Variants in JAM3 observed in about 807,000 individuals in gnomAD.
JAM3 encodes the protein junctional adhesion molecule C.
In JAM3, 31 loss-of-function variants were observed where a neutral mutation model predicts 39.4. The observed-to-expected ratio is 0.79, with a 90% CI of 0.59 to 1.06. JAM3 has a LOEUF of 1.06. JAM3 is among the 50% of genes least tolerant of loss of function. The pLI is 0.00. For synonymous variants in JAM3, 182 were observed against 148.7 expected, an observed-to-expected ratio of 1.22 and a Z score of -1.63; for missense variants, 455 against 391.4, an observed-to-expected ratio of 1.16 and a Z score of -1.37.
At chr11:134,106,719 A>G (rs1942197199) in intron 1 of JAM3, among the ~76,000 whole-genome samples, 1 of 152,268 alleles carries the variant, frequency 6.6e-6, no homozygotes, top group African/African-American at 2.4e-5. Context: ...CAGCCAAAAG[A>G]CACATGAAGA....
intron 1 of JAM3, among the ~76,000 whole-genome samples, chr11:134,112,896 G>A (rs1050208689): frequency 4.6e-5 from 7 of 152,166 alleles, no homozygotes; most frequent in African/African-American, 7.2e-5. Context: ...CTCATTTGAG[G>A]TCTGAAGCCA....
At position 134,096,124 on chromosome 11, in the gene JAM3, G is replaced by A. The variant is rs141849752; in HGVS notation, c.76+26965G>A. Reference sequence around the variant, plus strand: ...CCCAAGTAGCTGGGATGACAGGTGCGCGCCACTACACCTGCCTGAGTTTTG... The same window carrying A: ...CCCAAGTAGCTGGGATGACAGGTGCACGCCACTACACCTGCCTGAGTTTTG... On this transcript the variant is annotated intron_variant, in intron 1 of 8. Transcript: ENST00000299106. Among the ~76,000 whole-genome samples the A allele has an allele frequency of 6.6e-5, 10 of 152,156 alleles. No individual in the cohort carries two copies. In the East Asian group the frequency reaches 1.4e-3, roughly 21 times the overall value.
chr11:134,122,955 C>G (rs1048661171), intron 1 of JAM3, among the ~76,000 whole-genome samples: 2 of 152,192 alleles, frequency 1.3e-5, no homozygotes, highest in African/African-American at 4.8e-5. Context: ...AGACAAGTTT[C>G]TGGGATATCC....
chr11:134,087,873 T>G (rs1229457255), intron 1 of JAM3, among the ~76,000 whole-genome samples: 1 of 152,204 alleles, frequency 6.6e-6, no homozygotes, highest in Non-Finnish European at 1.5e-5. Context: ...CTGTTGATAT[T>G]TGGAGTGGAT....
At chr11:134,125,302 A>C (rs555716204) in intron 1 of JAM3, among the ~76,000 whole-genome samples, 2 of 152,204 alleles carry the variant, frequency 1.3e-5, no homozygotes, top group Non-Finnish European at 2.9e-5. Flanking sequence ...CCAGCTGCAC[A>C]TCATGTCAGA....
At chr11:134,124,707 AT>A (rs1179170962) in intron 1 of JAM3, among the ~76,000 whole-genome samples, 1 of 152,136 alleles carries the variant, frequency 6.6e-6, no homozygotes. Flanking sequence ...TAAAAGAAAT[AT>A]GCTTGCAATT....
At chr11:134,093,955 T>C (rs1941926467) in intron 1 of JAM3, among the ~76,000 whole-genome samples, 1 of 124,760 alleles carries the variant, frequency 8.0e-6, no homozygotes, top group South Asian at 2.9e-4. Context: ...TTATTCATCA[T>C]GTTCCACCTT....
intron 5 of JAM3, chr11:134,145,222 A>T (rs1468282807): frequency 1.5e-5 from 9 of 588,306 alleles, no homozygotes; most frequent in Middle Eastern, 9.0e-4. Context: ...TTGAGACCGA[A>T]GAGGGATATT....
chr11:134,096,578 G>A (rs963501976), intron 1 of JAM3, among the ~76,000 whole-genome samples: 2 of 152,072 alleles, frequency 1.3e-5, no homozygotes, highest in Non-Finnish European at 2.9e-5. Context: ...TGTTTACTAG[G>A]GACTCTAATC....
At chr11:134,145,453 T>C (rs1187823148) in intron 5 of JAM3, 1 of 318,592 alleles carries the variant, frequency 3.1e-6, no homozygotes, top group Non-Finnish European at 6.0e-6. Flanking sequence ...AATAACCCAG[T>C]GGTGGTGGTG....
At chr11:134,115,397 T>G (rs1006458050) in intron 1 of JAM3, among the ~76,000 whole-genome samples, 13 of 148,770 alleles carry the variant, frequency 8.7e-5, no homozygotes, top group Admixed American at 8.7e-4. Context: ...TTCTCTTGCA[T>G]TTGTTTTCCT....
intron 1 of JAM3, among the ~76,000 whole-genome samples, chr11:134,136,980 G>A (rs535557294): frequency 6.6e-6 from 1 of 152,240 alleles, no homozygotes; most frequent in South Asian, 2.1e-4. Context: ...AGGCGTGGTG[G>A]TGGGCGCCTG....
chr11:134,088,085 T>C (rs1941774078), intron 1 of JAM3, among the ~76,000 whole-genome samples: 1 of 152,180 alleles, frequency 6.6e-6, no homozygotes. Flanking sequence ...TGCCCAGGGA[T>C]GTTCAATGCC....
At chr11:134,124,225 T>A (rs1942594806) in intron 1 of JAM3, 1 of 1,347,600 alleles carries the variant, frequency 7.4e-7, no homozygotes, top group Non-Finnish European at 1.1e-6. Context: ...CCATACTTCT[T>A]AAGTTCCTCT....
At chr11:134,146,407 C>T (rs1268539639) in intron 6 of JAM3, among the ~76,000 whole-genome samples, 1 of 114,090 alleles carries the variant, frequency 8.8e-6, no homozygotes, top group East Asian at 2.4e-4. Context: ...TTGTAGAAAA[C>T]TGACAGTTTT....
intron 1 of JAM3, among the ~76,000 whole-genome samples, chr11:134,106,258 A>G (rs561066333): frequency 6.0e-4 from 92 of 152,248 alleles, no homozygotes; most frequent in African/African-American, 1.9e-3. Context: ...AGGATTCCCT[A>G]TTTAATAAAT....
At position 134,149,374 on chromosome 11, in the gene JAM3, A is replaced by G. The variant is rs1447286848; in HGVS notation, c.*193A>G. The G allele has an allele frequency of 1.1e-5, 7 of 665,032 alleles. No individual in the cohort carries two copies. The highest frequency in any genetic ancestry group is 4.7e-5 in the Admixed American group (2 of 42,828). 41.2% of individuals were successfully genotyped at this position (665,032 alleles called of 1,614,324 possible). A position where few individuals can be genotyped will look rare whatever the true frequency, so the allele number is the denominator to read the frequency against. ...CATGAATAGAAGAATTTTCCTCAAG[A>G]TGGACCCGGTAAATATAACCACAAG... On this transcript the variant is annotated 3_prime_UTR_variant, in exon 9 of 9. Coordinates refer to ENST00000299106, the MANE Select transcript of JAM3 (RefSeq NM_032801.5).
intron 1 of JAM3, among the ~76,000 whole-genome samples, chr11:134,112,215 T>C (rs1942326736): frequency 6.6e-6 from 1 of 152,166 alleles, no homozygotes; most frequent in Non-Finnish European, 1.5e-5. Flanking sequence ...GCCTCCCAAG[T>C]AGCTGGAATT....
intron 1 of JAM3, among the ~76,000 whole-genome samples, chr11:134,129,985 G>C (rs184886746): frequency 2.0e-5 from 3 of 152,122 alleles, no homozygotes; most frequent in Admixed American, 6.5e-5. Context: ...CTTGGTTACA[G>C]AGTGAGATTC....
Sources: allele counts gnomAD v4.1 joint callset (sites outside exome capture counted in the v4.1 genomes callset), GRCh38; gene constraint gnomAD v4.1.1; transcripts MANE v1.5; gene names NCBI Gene and HGNC (gene_info 2026-07-23, HGNC 2026-07-21).